The following PRPSAP2 variants were observed in gnomAD, a reference collection of about 807,000 sequenced individuals.
The protein encoded by PRPSAP2 is phosphoribosyl pyrophosphate synthase-associated protein 2.
A neutral mutation model predicts 40.6 loss-of-function variants in PRPSAP2; 24 were observed. The observed-to-expected ratio is 0.59, with a 90% CI of 0.43 to 0.83. The LOEUF is 0.83. Among genes scored for constraint, PRPSAP2 ranks in the 40% least tolerant of loss-of-function variants. PRPSAP2 has a pLI of 0.00. For missense variants in PRPSAP2, 292 were observed against 465.6 expected (o/e 0.63, Z 3.43); for synonymous variants, 149 against 164.7 (o/e 0.90, Z 0.73).
intron 11 of PRPSAP2, 128 bp from the exon 12 acceptor site, chr17:18,930,412 G>T: frequency 1.3e-6 from 1 of 771,726 alleles, no homozygotes; most frequent in South Asian, 2.1e-5. Context: ...ACATTGACTT[G>T]AGACATAGAT....
At chr17:18,927,905 A>G (rs1041259196) in intron 10 of PRPSAP2, among the ~76,000 whole-genome samples, 2 of 151,972 alleles carry the variant, frequency 1.3e-5, no homozygotes, top group South Asian at 2.1e-4. Context: ...CAGCCTCCCA[A>G]GTAGCTAGGA....
chr17:18,870,615 C>A (rs1174799338), intron 4 of PRPSAP2, among the ~76,000 whole-genome samples: 2 of 151,828 alleles, frequency 1.3e-5, no homozygotes, highest in African/African-American at 4.8e-5. Flanking sequence ...TTGAGACCAA[C>A]CTGGGCAACA....
rs758488677 is a variant in PRPSAP2, at chr17:18,867,404, C to A, written c.172+70C>A. 5.5e-5 allele frequency: 83 copies of A among 1,518,056 alleles called. 1 individual carries two copies. In the South Asian group the frequency reaches 8.7e-4, roughly 16 times the overall value. The allele number at this position is 1,518,056 out of a possible 1,614,324, so 94.0% of individuals were successfully genotyped here. On this transcript the variant is annotated intron_variant, in intron 4 of 11. Transcript: ENST00000268835. ...GTGGCATATTGGCTCCGTCCTTCAT[C>A]CTTTACTATTGAAACGATTTGATTC... is the stretch of plus-strand genomic sequence containing the variant.
chr17:18,874,371 A>T (rs568316280), intron 5 of PRPSAP2, among the ~76,000 whole-genome samples: 4 of 152,206 alleles, frequency 2.6e-5, no homozygotes, highest in Non-Finnish European at 5.9e-5. Context: ...CTGCATGCTT[A>T]ATTTGTGTAT....
chr17:18,929,006 C>T, intron 11 of PRPSAP2, 49 bp downstream of exon 11: 1 of 1,575,946 alleles, frequency 6.3e-7, no homozygotes, highest in Non-Finnish European at 8.6e-7. Flanking sequence ...GCTTTTGGCA[C>T]ATCTTGATCT....
chr17:18,895,580 T>C (rs1017459600), intron 8 of PRPSAP2, among the ~76,000 whole-genome samples: 3 of 151,650 alleles, frequency 2.0e-5, no homozygotes, highest in Non-Finnish European at 4.4e-5. Flanking sequence ...TTTTCTTTTT[T>C]TTAATGTTTA....
At chr17:18,927,993 A>G (rs952488506) in intron 10 of PRPSAP2, among the ~76,000 whole-genome samples, 2 of 152,166 alleles carry the variant, frequency 1.3e-5, no homozygotes, top group South Asian at 4.2e-4. Context: ...CATGTTGCTC[A>G]GGCTGGTCTT....
chr17:18,860,991 C>T (rs1597495020), intron 1 of PRPSAP2, among the ~76,000 whole-genome samples: 2 of 152,264 alleles, frequency 1.3e-5, no homozygotes, highest in African/African-American at 4.8e-5. Context: ...AGTTATAGCT[C>T]ATGGGGAAAA....
chr17:18,868,465 C>T (rs1296375976), intron 4 of PRPSAP2, among the ~76,000 whole-genome samples: 3 of 146,386 alleles, frequency 2.0e-5, no homozygotes, highest in South Asian at 2.1e-4. Flanking sequence ...GGAACAAGAG[C>T]GAGACTTTGT....
chr17:18,873,207 T>G (rs2038021470), intron 5 of PRPSAP2, among the ~76,000 whole-genome samples: 1 of 150,170 alleles, frequency 6.7e-6, no homozygotes, highest in South Asian at 2.1e-4. Flanking sequence ...TTTTTTTTTT[T>G]TTTGAGACAG....
intron 4 of PRPSAP2, among the ~76,000 whole-genome samples, chr17:18,870,765 C>T (rs1259288978): frequency 1.3e-5 from 2 of 150,128 alleles, no homozygotes; most frequent in African/African-American, 2.5e-5. Context: ...GCTGGGATCA[C>T]GCCGCTGCAC....
At chr17:18,906,794 G>A (rs2040617829) in intron 8 of PRPSAP2, among the ~76,000 whole-genome samples, 2 of 151,950 alleles carry the variant, frequency 1.3e-5, no homozygotes, top group South Asian at 2.1e-4. Context: ...TGATCTGCCC[G>A]CCTTAGCCTC....
chr17:18,874,834 A>C (rs2038159926), intron 5 of PRPSAP2, among the ~76,000 whole-genome samples: 1 of 152,222 alleles, frequency 6.6e-6, no homozygotes, highest in East Asian at 1.9e-4. Flanking sequence ...AGGGGCGGGC[A>C]CAGAACAACT....
intron 6 of PRPSAP2, among the ~76,000 whole-genome samples, chr17:18,880,444 G>C (rs1372816040): frequency 6.6e-6 from 1 of 152,082 alleles, no homozygotes; most frequent in Non-Finnish European, 1.5e-5. Flanking sequence ...TCTTGCCCGG[G>C]CTGGGGTGCA....
At position 18,882,573 on chromosome 17, in the gene PRPSAP2, A is replaced by T; in HGVS notation, c.418A>T (p.Thr140Ser). 6.4e-7 allele frequency: 1 copy of T among 1,560,180 alleles called. No individual in the cohort carries two copies. Among genetic ancestry groups the T allele is most frequent in the African/African-American group, 1.4e-5 (1 of 73,654 alleles). Residue 140 changes from threonine to serine, a missense_variant, in exon 7 of 12, where the codon ACT (threonine) becomes TCT (serine). Thr to Ser is a moderately conservative substitution (Grantham distance 58). Coordinates refer to ENST00000268835, the MANE Select transcript of PRPSAP2 (RefSeq NM_002767.4). The stretch of plus-strand genomic sequence containing the variant: ...TGTCTGCTTTATTTTCAAAGGTCTA[A>T]CTCATCTTATTACTATGGATTTACA... ...LASMMCKAGL[T>S]HLITMDLHQK... is the part of the protein sequence containing the mutation.
chr17:18,871,489 T>G (rs926521327), intron 4 of PRPSAP2, among the ~76,000 whole-genome samples: 1 of 152,140 alleles, frequency 6.6e-6, no homozygotes, highest in African/African-American at 2.4e-5. Flanking sequence ...TTGTAGAATG[T>G]CCCATTATGG....
intron 9 of PRPSAP2, among the ~76,000 whole-genome samples, chr17:18,918,722 A>G (rs1369554720): frequency 6.6e-6 from 1 of 152,168 alleles, no homozygotes; most frequent in African/African-American, 2.4e-5. Flanking sequence ...CTCTTGGGCT[A>G]TGCTGTCCAG....
rs1263191556 is a variant in PRPSAP2, at chr17:18,911,338, C to T, written c.733+87C>T. On this transcript the variant is annotated intron_variant, in intron 9 of 11. Coordinates refer to ENST00000268835, the MANE Select transcript of PRPSAP2 (RefSeq NM_002767.4). The surrounding 1 kb of genome is among the most constrained non-coding windows in gnomAD (Gnocchi z 4.5). Reference sequence around the variant, plus strand: ...CTGTGTGGTTTTTTTCCTCATTCTTCGTTTTTTTTTAGTTGGCAAAAACTC... The same window carrying T: ...CTGTGTGGTTTTTTTCCTCATTCTTTGTTTTTTTTTAGTTGGCAAAAACTC... The T allele has an allele frequency of 1.2e-5, 15 of 1,247,326 alleles. No individual in the cohort carries two copies. The highest frequency in any genetic ancestry group is 2.6e-5 in the East Asian group (1 of 38,646). The allele number at this position is 1,247,326 out of a possible 1,614,324, so 77.3% of individuals were successfully genotyped here.
chr17:18,886,410 C>T (rs1288114172), intron 7 of PRPSAP2, among the ~76,000 whole-genome samples: 2 of 151,418 alleles, frequency 1.3e-5, no homozygotes, highest in Non-Finnish European at 2.9e-5. Context: ...GGCTGGAGTG[C>T]AGTGGCGCAA....
Sources: allele counts gnomAD v4.1 joint callset (sites outside exome capture counted in the v4.1 genomes callset), GRCh38; gene constraint gnomAD v4.1.1; non-coding constraint Gnocchi (gnomAD v3.1); transcripts MANE v1.5; gene names NCBI Gene and HGNC (gene_info 2026-07-23, HGNC 2026-07-21).